The following TAF15 variants were observed in gnomAD, a reference collection of about 807,000 sequenced individuals.
TAF15 encodes TATA-binding protein-associated factor 2N.
A neutral mutation model predicts 102.5 loss-of-function variants in TAF15; 37 were observed. That is an observed-to-expected ratio of 0.36 (90% CI 0.28 to 0.47). The LOEUF is 0.47. Among genes scored for constraint, TAF15 ranks in the 20% least tolerant of loss-of-function variants. The probability of loss-of-function intolerance (pLI) is 0.99; values close to 1 mark genes in which losing one functional copy is unlikely to be tolerated. For synonymous variants in TAF15, 273 were observed against 259.2 expected (o/e 1.05, Z -0.51); for missense variants, 652 against 760.7 (o/e 0.86, Z 1.68).
chr17:35,826,698 C>T (rs893968726), intron 7 of TAF15, among the ~76,000 whole-genome samples: 1 of 150,360 alleles, frequency 6.7e-6, no homozygotes, highest in East Asian at 2.0e-4. Context: ...GCTGGGACTA[C>T]AGGCGTGTGC....
Position 35,809,546 on chromosome 17 carries a change from G to A in TAF15, c.-24G>A. 1.2e-6 allele frequency: 2 copies of A among 1,613,068 alleles called. No individual in the cohort carries two copies. The highest frequency in any genetic ancestry group is 2.2e-5 in the East Asian group (1 of 44,864). On this transcript the variant is annotated 5_prime_UTR_variant, in exon 1 of 16. Coordinates refer to ENST00000605844, the MANE Select transcript of TAF15 (RefSeq NM_139215.3). ...TTCGTTGTTCTCGGCGGGCTGTGGG[G>A]CCTCCGCGCCGCGGCCGTTAGTCAT...
intron 1 of TAF15, among the ~76,000 whole-genome samples, chr17:35,812,576 T>A (rs1221847665): frequency 2.7e-5 from 3 of 109,988 alleles, no homozygotes; most frequent in East Asian, 2.8e-4. Context: ...CAAGAGAAAC[T>A]CTATCTCAAA....
intron 1 of TAF15, chr17:35,817,190 G>C (rs139413896): frequency 6.6e-6 from 1 of 151,456 alleles, no homozygotes. Context: ...TGAAAGCTTG[G>C]TAAAATCAGA....
At chr17:35,834,196 G>A (rs2087441768) in intron 8 of TAF15, 2 of 375,954 alleles carry the variant, frequency 5.3e-6, no homozygotes, top group Non-Finnish European at 9.3e-6. Context: ...AGTCTGTGGT[G>A]ACCAATGAAT....
Position 35,844,758 on chromosome 17 carries a change from G to T in TAF15, c.1459G>T (p.Gly487Ter). The change falls in exon 15 of 16, where the codon GGA becomes TGA. Residue 487 changes from glycine (G) to a stop codon, truncating the protein, a stop_gained. Coordinates refer to ENST00000605844, the MANE Select transcript of TAF15 (RefSeq NM_139215.3). LOFTEE classifies it high-confidence loss of function. ...GGYGGDRGGY[G>*]GDRGGGYGGD... ...CTATGGAGGAGATCGAGGTGGCTAT[G>T]GAGGAGACCGAGGTGGAGGCTATGG... 1 of 1,612,420 alleles carries T rather than the reference G, an allele frequency of 6.2e-7. No individual in the cohort carries two copies. The highest frequency in any genetic ancestry group is 1.3e-5 in the African/African-American group (1 of 74,938).
chr17:35,822,881 T>C (rs1177640237), intron 6 of TAF15, 48 bp downstream of exon 6: 5 of 1,600,528 alleles, frequency 3.1e-6, no homozygotes, highest in Non-Finnish European at 4.3e-6. Flanking sequence ...CTCAGAATTA[T>C]TTGTATGAAT....
At chr17:35,837,326 T>TC (rs1404593439) in intron 10 of TAF15, among the ~76,000 whole-genome samples, 1 of 138,342 alleles carries the variant, frequency 7.2e-6, no homozygotes, top group African/African-American at 3.1e-5. Flanking sequence ...TAGTTAAAAA[T>TC]TTTTTTTTTT....
At chr17:35,841,691 C>T (rs2087548341) in intron 11 of TAF15, among the ~76,000 whole-genome samples, 1 of 151,494 alleles carries the variant, frequency 6.6e-6, no homozygotes, top group African/African-American at 2.4e-5. Flanking sequence ...AGTCATCACG[C>T]CCAGCTTTTT....
chr17:35,835,329 C>T (rs967923783), intron 9 of TAF15, among the ~76,000 whole-genome samples: 1 of 152,106 alleles, frequency 6.6e-6, no homozygotes, highest in African/African-American at 2.4e-5. Flanking sequence ...TTCAAGAAAC[C>T]TAAATTCATA....
rs762252324 is a variant in TAF15 at position 35,842,425 on chromosome 17, C to T, written c.972C>T (p.Phe324=). 1.2e-6 allele frequency: 2 copies of T among 1,614,086 alleles called. No individual in the cohort carries two copies. Among genetic ancestry groups the T allele is most frequent in the Non-Finnish European group, 1.7e-6 (2 of 1,179,992 alleles). ...CCTTTGCCACTAGAAGACCTGAATT[C>T]ATGAGAGGAGGTGGAAGTGGAGGTG... ...KVSFATRRPE[F]MRGGGSGGGR... The change falls in exon 12 of 16, where the codon TTC becomes TTT. Residue 324 remains phenylalanine, a synonymous_variant. Coordinates refer to ENST00000605844, the MANE Select transcript of TAF15 (RefSeq NM_139215.3).
At chr17:35,819,986 T>C (rs1278373411) in intron 2 of TAF15, 38 bp from the exon 3 acceptor site, 1 of 1,594,766 alleles carries the variant, frequency 6.3e-7, no homozygotes, top group Non-Finnish European at 8.6e-7. Flanking sequence ...TTAAAATTTC[T>C]ACACATTTCT....
At chr17:35,809,746 C>G in intron 1 of TAF15, 170 bp downstream of exon 1, 1 of 828,630 alleles carries the variant, frequency 1.2e-6, no homozygotes, top group Non-Finnish European at 1.9e-6. Flanking sequence ...CACGCACGCT[C>G]CCAATGGCTC....
At chr17:35,809,786 C>G in intron 1 of TAF15, 2 of 660,056 alleles carry the variant, frequency 3.0e-6, no homozygotes, top group Non-Finnish European at 5.2e-6. Flanking sequence ...GGGAGCGCCT[C>G]GGGCCTCTTG....
At chr17:35,826,252 G>T (rs2087324015) in intron 7 of TAF15, among the ~76,000 whole-genome samples, 1 of 152,142 alleles carries the variant, frequency 6.6e-6, no homozygotes, top group Non-Finnish European at 1.5e-5. Context: ...GTTTCAGTGG[G>T]GGAAAGGTCG....
chr17:35,841,150 A>G (rs1000803510), intron 11 of TAF15, among the ~76,000 whole-genome samples: 1 of 152,166 alleles, frequency 6.6e-6, no homozygotes, highest in African/African-American at 2.4e-5. Flanking sequence ...TTTTTTAAAA[A>G]GTTACCAATT....
chr17:35,822,957 T>C (rs1449464700), intron 6 of TAF15, 124 bp downstream of exon 6: 7 of 1,168,010 alleles, frequency 6.0e-6, no homozygotes, highest in African/African-American at 1.5e-5. Context: ...CTTGAAGATA[T>C]GTTCCCTCTC....
At position 35,843,585 on chromosome 17, in the gene TAF15, G is replaced by A. The variant is rs544816483; in HGVS notation, c.1007-492G>A. ...GATTCTCAAACTAAGTAGGGTATAGGTTAGGCATCCTAAGTTTGAAAATCT... is the reference window on the plus strand; with the variant it reads ...GATTCTCAAACTAAGTAGGGTATAGATTAGGCATCCTAAGTTTGAAAATCT... On this transcript the variant is annotated intron_variant, in intron 12 of 15. Coordinates refer to ENST00000605844, the MANE Select transcript of TAF15 (RefSeq NM_139215.3). Among the ~76,000 whole-genome samples, 5 of 152,158 alleles carry A rather than the reference G, an allele frequency of 3.3e-5. No individual in the cohort carries two copies. The East Asian group carries it at 7.7e-4, about 23-fold the overall frequency.
At chr17:35,832,699 T>G (rs576952926) in intron 7 of TAF15, among the ~76,000 whole-genome samples, 2 of 152,340 alleles carry the variant, frequency 1.3e-5, no homozygotes, top group East Asian at 3.9e-4. Context: ...GTGTTTTTAT[T>G]GCCATGTTAG....
chr17:35,844,071 C>T lies in TAF15; in HGVS notation c.1007-6C>T. 2 of 1,614,010 alleles carry T rather than the reference C, an allele frequency of 1.2e-6. No homozygotes were observed. Among genetic ancestry groups the T allele is most frequent in the Admixed American group, 3.3e-5 (2 of 60,020 alleles). ...TGATTTTTCTCCCCTGGCCCCATCC[C>T]CCTAGGCCGTGGAGGATATAGAGGT... On this transcript the variant is annotated splice_polypyrimidine_tract_variant and splice_region_variant and intron_variant, in intron 12 of 15. Transcript: ENST00000605844.
Sources: allele counts gnomAD v4.1 joint callset (sites outside exome capture counted in the v4.1 genomes callset), GRCh38; gene constraint gnomAD v4.1.1; transcripts MANE v1.5; gene names NCBI Gene and HGNC (gene_info 2026-07-23, HGNC 2026-07-21).